COG2: variants seen among roughly 807,000 people sequenced by gnomAD.
COG2 encodes conserved oligomeric Golgi complex subunit 2.
A neutral mutation model predicts 90.6 loss-of-function variants in COG2; 52 were observed. The ratio of observed to expected loss-of-function variants is 0.57; its 90% confidence interval spans 0.46 to 0.72. The LOEUF (loss-of-function observed/expected upper bound fraction) is 0.72. Among genes scored for constraint, COG2 ranks in the 30% least tolerant of loss-of-function variants. The probability of loss-of-function intolerance (pLI) is 0.00; values close to 1 mark genes in which losing one functional copy is unlikely to be tolerated. For missense variants in COG2, 829 were observed against 891.2 expected (o/e 0.93, Z 0.89); for synonymous variants, 337 against 320.4 (o/e 1.05, Z -0.55).
intron 5 of COG2, among the ~76,000 whole-genome samples, chr1:230,668,155 A>G (rs567202693): frequency 2.0e-5 from 3 of 152,236 alleles, no homozygotes; most frequent in South Asian, 2.1e-4. Context: ...TTTTAGAAAT[A>G]TCTAGAGGTA....
intron 5 of COG2, among the ~76,000 whole-genome samples, chr1:230,667,103 G>A (rs1257481462): frequency 2.0e-5 from 3 of 152,168 alleles, no homozygotes; most frequent in Non-Finnish European, 4.4e-5. Flanking sequence ...CGGTGAGACT[G>A]GAACTGTTGA....
intron 5 of COG2, 109 bp from the exon 6 acceptor site, chr1:230,668,567 A>C: frequency 1.5e-6 from 1 of 656,642 alleles, no homozygotes; most frequent in Non-Finnish European, 2.6e-6. Flanking sequence ...ACTCTGACAA[A>C]AGTCAAAATA....
chr1:230,691,998 C>G (rs1423047742), intron 17 of COG2, among the ~76,000 whole-genome samples: 1 of 152,056 alleles, frequency 6.6e-6, no homozygotes, highest in African/African-American at 2.4e-5. Context: ...CCTGCTTGGC[C>G]TTTGTAGCTT....
intron 2 of COG2, 83 bp downstream of exon 2, chr1:230,659,708 T>C (rs887141932): frequency 2.1e-6 from 3 of 1,405,010 alleles, no homozygotes; most frequent in Admixed American, 2.2e-5. Flanking sequence ...TTGTGTGTTT[T>C]TAGAAACCTT....
Position 230,687,988 on chromosome 1 carries a change from A to T in COG2, c.1579-83A>T, listed in dbSNP as rs866681713. ...AGTTCACCATTCATTAGCAAATTCTAGAGTTTGTAGATGCAAATAGAATTG... is the reference window on the plus strand; with the variant it reads ...AGTTCACCATTCATTAGCAAATTCTTGAGTTTGTAGATGCAAATAGAATTG... On this transcript the variant is annotated intron_variant, in intron 13 of 17. Transcript: ENST00000366669. The T allele has an allele frequency of 1.5e-5, 13 of 887,646 alleles. No individual in the cohort carries two copies. The Middle Eastern group carries it at 1.6e-3, about 106-fold the overall frequency. 55.0% of individuals were successfully genotyped at this position (887,646 alleles called of 1,614,324 possible).
At chr1:230,669,671 G>A in intron 7 of COG2, 136 bp downstream of exon 7, 2 of 743,004 alleles carry the variant, frequency 2.7e-6, no homozygotes, top group East Asian at 2.8e-5. Context: ...CCAGCTATAA[G>A]GAAGGATTGG....
chr1:230,682,344 G>C (rs1470360533), intron 10 of COG2: 1 of 152,398 alleles, frequency 6.6e-6, no homozygotes, highest in Non-Finnish European at 1.5e-5. Flanking sequence ...CCCGTGCTCA[G>C]TGTCACTGCC....
At chr1:230,668,962 A>T in intron 6 of COG2, 178 bp downstream of exon 6, 1 of 504,228 alleles carries the variant, frequency 2.0e-6, no homozygotes, top group Non-Finnish European at 3.5e-6. Flanking sequence ...TTTTGTGTAA[A>T]GACTCAGTCA....
chr1:230,676,089 CCTT>C lies in COG2; in HGVS notation c.1026+973_1026+975del, dbSNP rs1162423856. 3.3e-5 allele frequency among the ~76,000 whole-genome samples: 5 copies of C among 152,270 alleles called. No individual in the cohort carries two copies. In the East Asian group the frequency reaches 5.8e-4, roughly 18 times the overall value. On this transcript the variant is annotated intron_variant, in intron 9 of 17. Transcript: ENST00000366669. ...GGCTCAGCCTCTTGGCACTTTTCTT[CCTT>C]CTTCTTCCCTGGATTTCAGTTTTTG...
chr1:230,659,622 C>T lies in COG2; in HGVS notation c.231C>T (p.Asn77=). The T allele has an allele frequency of 1.2e-6, 2 of 1,612,894 alleles. No individual in the cohort carries two copies. Among genetic ancestry groups the T allele is most frequent in the Non-Finnish European group, 1.7e-6 (2 of 1,179,568 alleles). Residue 77 remains asparagine, a synonymous_variant, in exon 2 of 18, where the codon AAC becomes AAT. Transcript: ENST00000366669. ...CAGATTTTGTCAATCTTTCAACAAACTTGGTAAACTTTAAATCCACGGTCC... is the reference window on the plus strand; with the variant it reads ...CAGATTTTGTCAATCTTTCAACAAATTTGGTAAACTTTAAATCCACGGTCC... ...DYADFVNLST[N]LVGMDKALNQ...
chr1:230,685,263 A>G (rs777464563), intron 12 of COG2, 27 bp downstream of exon 12: 5 of 1,612,892 alleles, frequency 3.1e-6, no homozygotes, highest in South Asian at 1.1e-5. Context: ...GAGCTCATCC[A>G]TAATCAATAC....
At chr1:230,689,406 A>C (rs545548217) in intron 15 of COG2, among the ~76,000 whole-genome samples, 2 of 152,290 alleles carry the variant, frequency 1.3e-5, no homozygotes, top group East Asian at 1.9e-4. Context: ...ACAGTAATAC[A>C]TTTACTGAGA....
intron 1 of COG2, among the ~76,000 whole-genome samples, chr1:230,644,496 A>G (rs1445155368): frequency 3.3e-5 from 5 of 152,198 alleles, no homozygotes; most frequent in African/African-American, 4.8e-5. Context: ...TACGTGTGAG[A>G]AAGTTGGGAT....
rs566496140 is a variant in COG2 at position 230,654,082 on chromosome 1, A to T, written c.73-5382A>T. 3.3e-5 allele frequency among the ~76,000 whole-genome samples: 5 copies of T among 152,294 alleles called. No homozygotes were observed. The East Asian group carries it at 9.6e-4, about 29-fold the overall frequency. On this transcript the variant is annotated intron_variant, in intron 1 of 17. Transcript: ENST00000366669. ...TTCTGTAGGTTGCCTGTTCACTCTG[A>T]TGATAGTTTCTTTTGCTGTGCAGAA...
chr1:230,688,506 T>C lies in COG2; in HGVS notation c.1738T>C (p.Phe580Leu), dbSNP rs1359724895. The change falls in exon 15 of 18, where the codon TTC becomes CTC. Residue 580 changes from phenylalanine to leucine, a missense_variant. Phe to Leu is a conservative substitution (Grantham distance 22). Coordinates refer to ENST00000366669, the MANE Select transcript of COG2 (RefSeq NM_007357.3). ...KIIQDLSDSC[F>L]GFLKSALEVP... ...CATCCAGGATTTAAGTGACTCTTGC[T>C]TCGGTTTCCTAAAAAGCGCCCTGGA... The C allele has an allele frequency of 6.2e-7, 1 of 1,614,016 alleles. No individual in the cohort carries two copies. The highest frequency in any genetic ancestry group is 1.3e-5 in the African/African-American group (1 of 74,918).
intron 1 of COG2, among the ~76,000 whole-genome samples, chr1:230,657,318 C>T (rs552575659): frequency 6.6e-6 from 1 of 152,244 alleles, no homozygotes; most frequent in Non-Finnish European, 1.5e-5. Flanking sequence ...TTCTCCTTTG[C>T]TTATGAAGCT....
intron 4 of COG2, among the ~76,000 whole-genome samples, chr1:230,663,863 A>G (rs1662249134): frequency 6.6e-6 from 1 of 152,170 alleles, no homozygotes; most frequent in Non-Finnish European, 1.5e-5. Context: ...ACGAACATAA[A>G]TGTAGTACCA....
chr1:230,682,578 C>G (rs576611846), intron 10 of COG2: 1 of 152,250 alleles, frequency 6.6e-6, no homozygotes, highest in Non-Finnish European at 1.5e-5. Context: ...CTTCAGTGCT[C>G]AGCTGTGTTG....
Position 230,688,429 on chromosome 1 carries a change from A to T in COG2, c.1661A>T (p.Glu554Val). 1 of 1,613,920 alleles carries T rather than the reference A, an allele frequency of 6.2e-7. No homozygotes were observed. ...TCTTTAATCTCAACAGCAGCCCTGGAGGACTCCCAGAGCTCTTTTTCAGCC... is the reference window on the plus strand; with the variant it reads ...TCTTTAATCTCAACAGCAGCCCTGGTGGACTCCCAGAGCTCTTTTTCAGCC... ...KNFSSISAAL[E>V]DSQSSFSACV... Residue 554 changes from glutamate (E) to valine (V), a missense_variant, in exon 15 of 18, where the codon GAG becomes GTG. Transcript: ENST00000366669.
Sources: gnomAD v4.1 joint callset for allele counts (sites outside exome capture counted in the v4.1 genomes callset) on GRCh38, gnomAD v4.1.1 for gene constraint, MANE v1.5 for transcripts, NCBI Gene and HGNC (gene_info 2026-07-23, HGNC 2026-07-21) for gene names.